GP5: variants seen among roughly 807,000 people sequenced by gnomAD.
The protein encoded by GP5 is platelet glycoprotein V.
For missense variants in GP5, 755 were observed against 737.1 expected (o/e 1.02, Z -0.28); for synonymous variants, 382 against 353.9 (o/e 1.08, Z -0.89).
rs1187273250 is a variant in GP5 at position 194,396,626 on chromosome 3, A to C, written c.1657T>G (p.Leu553Val). 2 of 1,611,872 alleles carry C rather than the reference A, an allele frequency of 1.2e-6. No homozygotes were observed. Among genetic ancestry groups the C allele is most frequent in the South Asian group, 2.2e-5 (2 of 90,840 alleles). ...MIKIGQLFRK[L>V]IRERALG ...TACCCAAGGGCTCTCTCTCTGATTA[A>C]TTTTCGAAAGAGTTGGCCAATTTTA... Residue 553 changes from leucine to valine, a missense_variant, in exon 2 of 2, where the codon TTA becomes GTA. Coordinates refer to ENST00000692618, the MANE Select transcript of GP5 (RefSeq NM_004488.2).
In GP5 at chr3:194,397,281, G is replaced by T. The variant is rs1714490701; in HGVS notation, c.1002C>A (p.Ala334=). Residue 334 remains alanine (A), a synonymous_variant, in exon 2 of 2, where the codon GCC becomes GCA. Coordinates refer to ENST00000692618, the MANE Select transcript of GP5 (RefSeq NM_004488.2). The surrounding 1 kb of genome is among the most constrained non-coding windows in gnomAD (Gnocchi z 7.2). ...SPRLSALPQG[A]FQGLGELQVL... ...CCTGGAGCTCGCCAAGGCCCTGGAA[G>T]GCGCCCTGCGGAAGCGCGCTCAGCC... The T allele has an allele frequency of 1.3e-6, 2 of 1,580,952 alleles. No individual in the cohort carries two copies. Among genetic ancestry groups the T allele is most frequent in the East Asian group, 2.3e-5 (1 of 44,282 alleles).
Position 194,397,912 on chromosome 3 carries a change from A to G in GP5, c.371T>C (p.Leu124Pro). 1 of 1,614,218 alleles carries G rather than the reference A, an allele frequency of 6.2e-7. No homozygotes were observed. The highest frequency in any genetic ancestry group is 1.6e-4 in the Middle Eastern group (1 of 6,062). Residue 124 changes from leucine to proline, a missense_variant, in exon 2 of 2, where the codon CTG becomes CCG. Leu to Pro is a moderately conservative substitution (Grantham distance 98). Transcript: ENST00000692618. This position sits in a 1 kb window ranked among gnomAD's most constrained non-coding sequence, Gnocchi z 7.2. ...PGALLDKMVL[L>P]EQLFLDHNAL... ...ATTGTGGTCCAAAAACAACTGCTCC[A>G]GGAGCACCATCTTATCCAGCAGCGC...
In GP5 at chr3:194,397,954, A is replaced by T. The variant is rs1714511178; in HGVS notation, c.329T>A (p.Ile110Asn). The T allele has an allele frequency of 1.2e-6, 2 of 1,614,182 alleles. No homozygotes were observed. Among genetic ancestry groups the T allele is most frequent in the South Asian group, 2.2e-5 (2 of 91,074 alleles). Residue 110 changes from isoleucine (I) to asparagine (N), a missense_variant, in exon 2 of 2, where the codon ATC becomes AAC. Physicochemically the swap from Ile to Asn is moderately radical, Grantham distance 149. Transcript: ENST00000692618. The surrounding 1 kb of genome is among the most constrained non-coding windows in gnomAD (Gnocchi z 7.2). Reference protein sequence around the residue: ...LKTLRLSRNKITHLPGALLDK... With the variant: ...LKTLRLSRNKNTHLPGALLDK... ...CAGCAGCGCACCTGGAAGATGCGTG[A>T]TTTTGTTGCGCGACAGCCTCAGGGT...
chr3:194,397,160 G>C lies in GP5; in HGVS notation c.1123C>G (p.Leu375Val), dbSNP rs1349499297. ...AAGAGGGCACGGGGCAGGGCGCGCA[G>C]CCTGTTGCGGCGCAGGGACACCTGG... ...LRQVSLRRNR[L>V]RALPRALFRN... Residue 375 changes from leucine (L) to valine (V), a missense_variant, in exon 2 of 2, where the codon CTG becomes GTG. Coordinates refer to ENST00000692618, the MANE Select transcript of GP5 (RefSeq NM_004488.2). The surrounding 1 kb of genome is among the most constrained non-coding windows in gnomAD (Gnocchi z 7.2). 1.3e-6 allele frequency: 2 copies of C among 1,580,666 alleles called. No individual in the cohort carries two copies. Among genetic ancestry groups the C allele is most frequent in the South Asian group, 2.3e-5 (2 of 88,728 alleles).
chr3:194,399,020 C>CCATAAA (rs3838959), intron 1 of GP5, among the ~76,000 whole-genome samples: 50,655 of 151,668 alleles, frequency 0.33, 9,868 homozygotes, highest in African/African-American at 0.55. Context: ...TCTGACTTAG[C>CCATAAA]CATAAAGAGC....
intron 1 of GP5, 160 bp from the exon 2 acceptor site, chr3:194,398,444 A>C: frequency 1.5e-6 from 1 of 673,360 alleles, no homozygotes; most frequent in Non-Finnish European, 2.5e-6. Context: ...GTGAAAAGAC[A>C]CTCATTCTAC....
At position 194,396,465 on chromosome 3, in the gene GP5, C is replaced by T. The variant is rs1467595408; in HGVS notation, c.*135G>A. On this transcript the variant is annotated 3_prime_UTR_variant, in exon 2 of 2. Transcript: ENST00000692618. The stretch of plus-strand genomic sequence containing the variant: ...AGGGGGAGGAGGAGGGAAAGGAAGG[C>T]GTGGCAGTGAGAGAGAAGAGGAAGA... The T allele has an allele frequency of 1.1e-5, 7 of 662,038 alleles. No individual in the cohort carries two copies. The Admixed American group carries it at 1.7e-4, about 16-fold the overall frequency. 41.0% of individuals were successfully genotyped at this position (662,038 alleles called of 1,614,324 possible). A position where few individuals can be genotyped will look rare whatever the true frequency, so the allele number is the denominator to read the frequency against.
In GP5 at chr3:194,397,077, C is replaced by T. The variant is rs1404116162; in HGVS notation, c.1206G>A (p.Leu402=). 1.9e-6 allele frequency: 3 copies of T among 1,595,504 alleles called. No individual in the cohort carries two copies. Among genetic ancestry groups the T allele is most frequent in the Non-Finnish European group, 2.5e-6 (3 of 1,178,316 alleles). The change falls in exon 2 of 2, where the codon CTG becomes CTA. Residue 402 remains leucine (L), a synonymous_variant. Transcript: ENST00000692618. The surrounding 1 kb of genome is among the most constrained non-coding windows in gnomAD (Gnocchi z 7.2). The part of the protein sequence containing the change: ...VQLDHNQLET[L]PGDVFGALPR... ...GCAGAGCCCCAAACACGTCGCCAGG[C>T]AGGGTCTCCAGCTGGTTGTGGTCGA... is the stretch of plus-strand genomic sequence containing the variant.
intron 1 of GP5, 33 bp from the exon 2 acceptor site, chr3:194,398,317 C>CA (rs766939396): frequency 6.5e-7 from 1 of 1,538,990 alleles, no homozygotes; most frequent in South Asian, 1.2e-5. Flanking sequence ...GTGGTCAACA[C>CA]ACAGGAGCGT....
chr3:194,398,009 C>CG lies in GP5; in HGVS notation c.273dup (p.Gly92ArgfsTer5), dbSNP rs1469227740. On this transcript the variant is annotated frameshift_variant, in exon 2 of 2. Coordinates refer to ENST00000692618, the MANE Select transcript of GP5 (RefSeq NM_004488.2). LOFTEE classifies it low-confidence loss of function (END_TRUNC). ...AGTTTTATCAGGTCACTGAAGGTGC[C>CG]GGGGGCAACGGCGGAAATGTGGCTG... 3 of 1,614,044 alleles carry CG rather than the reference C, an allele frequency of 1.9e-6. No individual in the cohort carries two copies. Among genetic ancestry groups the CG allele is most frequent in the Non-Finnish European group, 8.5e-7 (1 of 1,179,964 alleles).
Position 194,397,295 on chromosome 3 carries a change from G to A in GP5, c.988C>T (p.Leu330Phe). The A allele has an allele frequency of 2.5e-6, 4 of 1,582,022 alleles. No individual in the cohort carries two copies. The highest frequency in any genetic ancestry group is 3.4e-6 in the Non-Finnish European group (4 of 1,171,610). Residue 330 changes from leucine to phenylalanine, a missense_variant, in exon 2 of 2, where the codon CTT (leucine) becomes TTT (phenylalanine). Physicochemically the swap from Leu to Phe is conservative, Grantham distance 22. Coordinates refer to ENST00000692618, the MANE Select transcript of GP5 (RefSeq NM_004488.2). The surrounding 1 kb of genome is among the most constrained non-coding windows in gnomAD (Gnocchi z 7.2). ...AGGCCCTGGAAGGCGCCCTGCGGAAGCGCGCTCAGCCGCGGGCTCAGAGTC... is the reference window on the plus strand; with the variant it reads ...AGGCCCTGGAAGGCGCCCTGCGGAAACGCGCTCAGCCGCGGGCTCAGAGTC... ...GVTLSPRLSA[L>F]PQGAFQGLGE...
In GP5 at chr3:194,396,883, C is replaced by G. The variant is rs1428056942; in HGVS notation, c.1400G>C (p.Gly467Ala). ...GGGGCCCGGGCACTCCGCGTCACCC[C>G]CCGGCAGGGCCCAGAGCGGCAGGCC... ...HAGLPLWALP[G>A]GDAECPGPRG... Residue 467 changes from glycine (G) to alanine (A), a missense_variant, in exon 2 of 2, where the codon GGG becomes GCG. Transcript: ENST00000692618. 2.0e-6 allele frequency: 3 copies of G among 1,537,518 alleles called. No homozygotes were observed. Among genetic ancestry groups the G allele is most frequent in the East Asian group, 4.6e-5 (2 of 43,024 alleles).
Position 194,396,676 on chromosome 3 carries a change from G to A in GP5, c.1607C>T (p.Thr536Ile), listed in dbSNP as rs761153641. The A allele has an allele frequency of 6.2e-6, 10 of 1,613,622 alleles. No individual in the cohort carries two copies. In the South Asian group the frequency reaches 1.1e-4, roughly 18 times the overall value. Reference sequence around the variant, plus strand: ...AATCATAGCAAACACGATGATCACGGTGATCATGGCCTGAACAGCTAAAAG... The same window carrying A: ...AATCATAGCAAACACGATGATCACGATGATCATGGCCTGAACAGCTAAAAG... ...FLLLAVQAMI[T>I]VIIVFAMIKI... is the part of the protein sequence containing the mutation. The change falls in exon 2 of 2, where the codon ACC becomes ATC. Residue 536 changes from threonine to isoleucine, a missense_variant. By Grantham distance (89) the Thr-to-Ile change is moderately conservative. Coordinates refer to ENST00000692618, the MANE Select transcript of GP5 (RefSeq NM_004488.2).
At position 194,398,228 on chromosome 3, in the gene GP5, A is replaced by G; in HGVS notation, c.55T>C (p.Phe19Leu). Reference sequence around the variant, plus strand: ...CACTTGCAAGCTGGCGGACAGGGGAAGGGCTGGGCGCGCAGAAGCCCGAGC... The same window carrying G: ...CACTTGCAAGCTGGCGGACAGGGGAGGGGCTGGGCGCGCAGAAGCCCGAGC... ...AVLGLLRAQP[F>L]PCPPACKCVF... The change falls in exon 2 of 2, where the codon TTC becomes CTC. Residue 19 changes from phenylalanine (F) to leucine (L), a missense_variant. Coordinates refer to ENST00000692618, the MANE Select transcript of GP5 (RefSeq NM_004488.2). 6.2e-7 allele frequency: 1 copy of G among 1,611,814 alleles called. No individual in the cohort carries two copies. The highest frequency in any genetic ancestry group is 1.7e-5 in the Admixed American group (1 of 59,906).
intron 1 of GP5, 147 bp from the exon 2 acceptor site, chr3:194,398,431 G>A (rs1390109513): frequency 1.3e-6 from 1 of 748,830 alleles, no homozygotes; most frequent in East Asian, 2.7e-5. Context: ...ATTTCCCTAC[G>A]TGGTGAAAAG....
Position 194,396,469 on chromosome 3 carries a change from G to A in GP5, c.*131C>T. 1.5e-6 allele frequency: 1 copy of A among 682,024 alleles called. No individual in the cohort carries two copies. The highest frequency in any genetic ancestry group is 2.6e-5 in the East Asian group (1 of 38,224). The allele number at this position is 682,024 out of a possible 1,614,324, so 42.2% of individuals were successfully genotyped here. On this transcript the variant is annotated 3_prime_UTR_variant, in exon 2 of 2. Transcript: ENST00000692618. ...GGAGGAGGAGGGAAAGGAAGGCGTG[G>A]CAGTGAGAGAGAAGAGGAAGAAGAG... is the stretch of plus-strand genomic sequence containing the variant.
chr3:194,397,167 G>A lies in GP5; in HGVS notation c.1116C>T (p.Arg372=). The change falls in exon 2 of 2, where the codon CGC becomes CGT. Residue 372 remains arginine, a synonymous_variant. Transcript: ENST00000692618. This position sits in a 1 kb window ranked among gnomAD's most constrained non-coding sequence, Gnocchi z 7.2. ...CACGGGGCAGGGCGCGCAGCCTGTT[G>A]CGGCGCAGGGACACCTGGCGCAGCT... is the stretch of plus-strand genomic sequence containing the variant. ...LGKLRQVSLR[R]NRLRALPRAL... The A allele has an allele frequency of 6.3e-7, 1 of 1,579,342 alleles. No individual in the cohort carries two copies. The highest frequency in any genetic ancestry group is 8.5e-7 in the Non-Finnish European group (1 of 1,170,824).
At position 194,394,912 on chromosome 3, in the gene GP5, C is replaced by G. The variant is rs1246335614; in HGVS notation, c.*1688G>C. The G allele has an allele frequency of 1.3e-5, 2 of 152,248 alleles. No individual in the cohort carries two copies. Among genetic ancestry groups the G allele is most frequent in the African/African-American group, 2.4e-5 (1 of 41,468 alleles). 9.4% of individuals were successfully genotyped at this position (152,248 alleles called of 1,614,324 possible). The stretch of plus-strand genomic sequence containing the variant: ...AGACAGACTGATGTGAATGTAACCT[C>G]CAGTCTGAGAAAGTTCGGACTTACC... On this transcript the variant is annotated 3_prime_UTR_variant, in exon 2 of 2. Coordinates refer to ENST00000692618, the MANE Select transcript of GP5 (RefSeq NM_004488.2).
Position 194,398,272 on chromosome 3 carries a change from C to A in GP5, c.11G>T (p.Gly4Val). Residue 4 changes from glycine (G) to valine (V), a missense_variant, in exon 2 of 2, where the codon GGG becomes GTG. By Grantham distance (109) the Gly-to-Val change is moderately radical. Transcript: ENST00000692618. MLRGTLLCAVLGLL... is the reference protein window; with the variant it reads MLRVTLLCAVLGLL... ...CCCGAGCACCGCGCACAGTAGAGTC[C>A]CCCTCAGCATGTCTGAAAAAGCAAC... 6.3e-7 allele frequency: 1 copy of A among 1,599,694 alleles called. No homozygotes were observed. The highest frequency in any genetic ancestry group is 2.3e-5 in the East Asian group (1 of 44,284).
Sources: allele counts gnomAD v4.1 joint callset (sites outside exome capture counted in the v4.1 genomes callset), GRCh38; gene constraint gnomAD v4.1.1; non-coding constraint Gnocchi (gnomAD v3.1); transcripts MANE v1.5; gene names NCBI Gene and HGNC (gene_info 2026-07-23, HGNC 2026-07-21).